Variants in APPL2 observed in about 807,000 individuals in gnomAD.
The protein encoded by APPL2 is adaptor protein, phosphotyrosine interacting with PH domain and leucine zipper 2.
A neutral mutation model predicts 92.7 loss-of-function variants in APPL2; 84 were observed. The observed-to-expected ratio is 0.91, with a 90% CI of 0.76 to 1.09. The LOEUF (loss-of-function observed/expected upper bound fraction) is 1.09. Among genes scored for constraint, APPL2 ranks in the 50% least tolerant of loss-of-function variants. The probability of loss-of-function intolerance (pLI) is 0.00; values close to 1 mark genes in which losing one functional copy is unlikely to be tolerated. For missense variants in APPL2, 736 were observed against 824.5 expected (o/e 0.89, Z 1.31); for synonymous variants, 291 against 291.0 (o/e 1.00, Z 0.00).
chr12:105,223,703 TGA>T (rs2136071453), intron 2 of APPL2, among the ~76,000 whole-genome samples: 1 of 152,162 alleles, frequency 6.6e-6, no homozygotes, highest in East Asian at 1.9e-4. Flanking sequence ...CAAGAAAGGA[TGA>T]GAGGACTAAA....
intron 18 of APPL2, 43 bp from the exon 19 acceptor site, chr12:105,177,059 A>C: frequency 6.2e-7 from 1 of 1,612,096 alleles, no homozygotes. Context: ...CAACTACTAG[A>C]ATTAAAAACT....
chr12:105,198,471 G>T (rs1159513560), intron 10 of APPL2, among the ~76,000 whole-genome samples: 2 of 152,188 alleles, frequency 1.3e-5, no homozygotes, highest in Non-Finnish European at 2.9e-5. Flanking sequence ...AACCCGGTAG[G>T]TTTTCTACAT....
chr12:105,187,071 T>G (rs867180710), intron 17 of APPL2, among the ~76,000 whole-genome samples: 4 of 152,226 alleles, frequency 2.6e-5, no homozygotes, highest in African/African-American at 9.6e-5. Context: ...TCACAGTACT[T>G]TTACATATAT....
At chr12:105,174,876 T>TGGGGGGGGGGGGGGGGGGG (rs59473626) in intron 20 of APPL2, among the ~76,000 whole-genome samples, 1 of 89,008 alleles carries the variant, frequency 1.1e-5, no homozygotes. Flanking sequence ...TTTTTTTTGG[T>TGGGGGGGGGGGGGGGGGGG]GGGGGGGGGG....
chr12:105,196,620 CAGTA>C (rs1253825092), intron 11 of APPL2, among the ~76,000 whole-genome samples: 69 of 151,962 alleles, frequency 4.5e-4, no homozygotes, highest in Admixed American at 4.3e-3. Context: ...TTTGTATTTC[CAGTA>C]GAGACGGGGT....
Position 105,203,705 on chromosome 12 carries a change from T to G in APPL2, c.702A>C (p.Gln234His), listed in dbSNP as rs1371286927. ...SFLSSVADMV[Q>H]SIQVELEAEA... ...ACCCGGCCGGAGTGCAGCATTACCT[T>G]TGAACCATGTCTGCAACGGAGGATA... Residue 234 changes from glutamine (Q) to histidine (H), a missense_variant and splice_region_variant, in exon 9 of 21, where the codon CAA becomes CAC. By Grantham distance (24) the Gln-to-His change is conservative (BLOSUM62 0). Coordinates refer to ENST00000258530, the MANE Select transcript of APPL2 (RefSeq NM_018171.5). The G allele has an allele frequency of 1.2e-6, 2 of 1,614,130 alleles. No individual in the cohort carries two copies. Among genetic ancestry groups the G allele is most frequent in the East Asian group, 4.5e-5 (2 of 44,882 alleles).
intron 14 of APPL2, among the ~76,000 whole-genome samples, chr12:105,193,078 C>A (rs1887357550): frequency 6.6e-6 from 1 of 152,172 alleles, no homozygotes; most frequent in East Asian, 1.9e-4. Context: ...TGTCACCCAT[C>A]CAATCACTGG....
chr12:105,217,046 A>G (rs1164892603), intron 4 of APPL2, 23 bp downstream of exon 4: 4 of 1,536,442 alleles, frequency 2.6e-6, no homozygotes, highest in Non-Finnish European at 3.5e-6. Flanking sequence ...ATCAAATACA[A>G]ATTTTCTATG....
intron 1 of APPL2, among the ~76,000 whole-genome samples, chr12:105,232,170 C>T (rs1167588023): frequency 3.3e-5 from 5 of 152,190 alleles, no homozygotes; most frequent in Non-Finnish European, 7.3e-5. Flanking sequence ...TACCTCCAAA[C>T]ACAACCTCAG....
At chr12:105,204,892 A>G (rs1382596019) in intron 8 of APPL2, among the ~76,000 whole-genome samples, 2 of 152,208 alleles carry the variant, frequency 1.3e-5, no homozygotes, top group African/African-American at 2.4e-5. Context: ...TGTCCCGTCA[A>G]TGTAACACTG....
chr12:105,192,400 G>A (rs947703675), intron 14 of APPL2, among the ~76,000 whole-genome samples: 5 of 151,974 alleles, frequency 3.3e-5, no homozygotes, highest in South Asian at 2.1e-4. Context: ...TCACAAACAC[G>A]CACCTCTCAG....
At chr12:105,222,000 G>T (rs958637886) in intron 2 of APPL2, among the ~76,000 whole-genome samples, 1 of 152,158 alleles carries the variant, frequency 6.6e-6, no homozygotes, top group Non-Finnish European at 1.5e-5. Flanking sequence ...AATCCACATC[G>T]ATCTATACCA....
In APPL2 at chr12:105,180,574, G is replaced by A. The variant is rs185277115; in HGVS notation, c.1635-3312C>T. Among the ~76,000 whole-genome samples the A allele has an allele frequency of 3.8e-3, 571 of 152,258 alleles. 2 individuals carry two copies. Among genetic ancestry groups the A allele is most frequent in the Non-Finnish European group, 5.3e-3 (359 of 68,026 alleles). On this transcript the variant is annotated intron_variant, in intron 17 of 20. Coordinates refer to ENST00000258530, the MANE Select transcript of APPL2 (RefSeq NM_018171.5). ...CTTTGGGCAGTATGGCCATTTTCAC[G>A]ATATTGATTCTTCCTATCCATGAGC...
intron 17 of APPL2, among the ~76,000 whole-genome samples, chr12:105,180,667 G>C (rs1023367405): frequency 6.6e-6 from 1 of 152,136 alleles, no homozygotes; most frequent in South Asian, 2.1e-4. Flanking sequence ...AGTTCTCCTT[G>C]AAGAGGTCCT....
At chr12:105,224,885 T>C (rs1266260209) in intron 2 of APPL2, among the ~76,000 whole-genome samples, 1 of 152,078 alleles carries the variant, frequency 6.6e-6, no homozygotes, top group Non-Finnish European at 1.5e-5. Flanking sequence ...TACTTTTTTC[T>C]TTATATACCA....
intron 4 of APPL2, 129 bp from the exon 5 acceptor site, chr12:105,211,446 G>GT: frequency 3.1e-6 from 2 of 642,314 alleles, no homozygotes; most frequent in African/African-American, 1.8e-5. Flanking sequence ...TCCTCAGCAA[G>GT]TAAGTACCCT....
At chr12:105,209,960 T>C (rs557989389) in intron 5 of APPL2, among the ~76,000 whole-genome samples, 1 of 151,722 alleles carries the variant, frequency 6.6e-6, no homozygotes, top group Non-Finnish European at 1.5e-5. Context: ...GAGGAAAATC[T>C]TCACCCTTTT....
chr12:105,216,201 T>C (rs1460481667), intron 4 of APPL2, among the ~76,000 whole-genome samples: 2 of 152,138 alleles, frequency 1.3e-5, no homozygotes, highest in Non-Finnish European at 2.9e-5. Context: ...AATATAGCTA[T>C]AAGAACAGTT....
intron 1 of APPL2, among the ~76,000 whole-genome samples, chr12:105,231,685 A>G (rs1041150878): frequency 6.6e-6 from 1 of 152,180 alleles, no homozygotes; most frequent in African/African-American, 2.4e-5. Context: ...GGATGCTACT[A>G]CCATGTTCCC....
Sources: gnomAD v4.1 joint callset for allele counts (sites outside exome capture counted in the v4.1 genomes callset) on GRCh38, gnomAD v4.1.1 for gene constraint, MANE v1.5 for transcripts, NCBI Gene and HGNC (gene_info 2026-07-23, HGNC 2026-07-21) for gene names.